CRLF3: variants seen among roughly 807,000 people sequenced by gnomAD.
The protein encoded by CRLF3 is cytokine receptor like factor 3.
A neutral mutation model predicts 55.0 loss-of-function variants in CRLF3; 33 were observed. The observed-to-expected ratio is 0.60, with a 90% CI of 0.46 to 0.80. The LOEUF is 0.80. Among genes scored for constraint, CRLF3 ranks in the 30% least tolerant of loss-of-function variants. CRLF3 has a pLI of 0.00. For synonymous variants in CRLF3, 238 were observed against 196.8 expected (o/e 1.21, Z -1.75); for missense variants, 494 against 538.4 (o/e 0.92, Z 0.82).
chr17:30,805,954 T>C (rs1405327624), intron 1 of CRLF3, among the ~76,000 whole-genome samples: 1 of 151,692 alleles, frequency 6.6e-6, no homozygotes, highest in African/African-American at 2.4e-5. Context: ...GCCCAGGGGG[T>C]CGAGACTGCA....
chr17:30,811,832 C>T (rs1904637934), intron 1 of CRLF3, among the ~76,000 whole-genome samples: 1 of 126,572 alleles, frequency 7.9e-6, no homozygotes, highest in Admixed American at 8.3e-5. Flanking sequence ...AAAAAAAGGC[C>T]AGGTGCGGTG....
rs752553933 is a variant in CRLF3, at chr17:30,803,884, G to C, written c.337+17C>G. 6.3e-7 allele frequency: 1 copy of C among 1,581,672 alleles called. No homozygotes were observed. ...ATGGACGAATGCACTAATACAACAG[G>C]CTCCCTGGTCCCCCACCTTCTCGGA... On this transcript the variant is annotated intron_variant, in intron 2 of 7. Coordinates refer to ENST00000324238, the MANE Select transcript of CRLF3 (RefSeq NM_015986.4).
At chr17:30,792,851 A>C in intron 5 of CRLF3, 1 of 70,928 alleles carries the variant, frequency 1.4e-5, no homozygotes, top group Admixed American at 2.4e-4. Flanking sequence ...AACTTATTCC[A>C]ACCTGATAAA....
chr17:30,803,787 CTG>C, intron 2 of CRLF3, 112 bp downstream of exon 2: 1 of 805,140 alleles, frequency 1.2e-6, no homozygotes. Flanking sequence ...CCACATGGAA[CTG>C]TAAGTTCATT....
intron 4 of CRLF3, among the ~76,000 whole-genome samples, chr17:30,795,401 C>T (rs1386100523): frequency 2.6e-5 from 4 of 151,394 alleles, no homozygotes; most frequent in Non-Finnish European, 5.9e-5. Context: ...GAGGCTGAGG[C>T]AGGAGGATTG....
intron 1 of CRLF3, among the ~76,000 whole-genome samples, chr17:30,819,643 A>G (rs550925447): frequency 4.3e-4 from 66 of 152,202 alleles, no homozygotes; most frequent in African/African-American, 1.5e-3. Context: ...ACACCTGGCT[A>G]ATTTGTATTT....
chr17:30,790,515 CATAAT>C (rs1329025936), intron 6 of CRLF3: 2 of 149,968 alleles, frequency 1.3e-5, no homozygotes, highest in Non-Finnish European at 1.5e-5. Context: ...GTAGCATATA[CATAAT>C]ATGTTTACAG....
chr17:30,785,798 AAAAAG>A (rs929626173), intron 7 of CRLF3, 116 bp downstream of exon 7: 2 of 584,018 alleles, frequency 3.4e-6, no homozygotes, highest in Non-Finnish European at 2.9e-6. Flanking sequence ...AAAAAAAAAG[AAAAAG>A]AAAAATACCT....
In CRLF3 at chr17:30,783,041, T is replaced by G. The variant is rs1971535215; in HGVS notation, c.*1146A>C. The G allele has an allele frequency of 6.6e-6, 1 of 152,118 alleles. No individual in the cohort carries two copies. The highest frequency in any genetic ancestry group is 6.6e-5 in the Admixed American group (1 of 15,258). The allele number at this position is 152,118 out of a possible 1,614,324, so 9.4% of individuals were successfully genotyped here. ...TAAGTTTTTAAAAAAAATAAGTATT[T>G]ACGCTATATTTTTTTGCTCTGCTAA... On this transcript the variant is annotated 3_prime_UTR_variant, in exon 8 of 8. Coordinates refer to ENST00000324238, the MANE Select transcript of CRLF3 (RefSeq NM_015986.4).
chr17:30,786,027 C>G lies in CRLF3; in HGVS notation c.964G>C (p.Glu322Gln). The part of the protein sequence containing the change: ...FCGQTLTFRV[E>Q]TVGQPDRRDS... ...CTTCTGTCTGGCTGTCCCACAGTTT[C>G]AACTCTGTAAATGAAGTAGAAAGGT... The change falls in exon 7 of 8, where the codon GAA becomes CAA. Residue 322 changes from glutamate (E) to glutamine (Q), a missense_variant. Physicochemically the swap from Glu to Gln is conservative, Grantham distance 29. Transcript: ENST00000324238. The G allele has an allele frequency of 1.3e-6, 2 of 1,571,534 alleles. No homozygotes were observed. Among genetic ancestry groups the G allele is most frequent in the Non-Finnish European group, 1.7e-6 (2 of 1,143,984 alleles).
At position 30,784,187 on chromosome 17, in the gene CRLF3, C is replaced by T. The variant is rs768050686; in HGVS notation, c.1329G>A (p.Ter443=). Residue 443 remains the stop codon, a stop_retained_variant, in exon 8 of 8, where the codon TAG becomes TAA. Coordinates refer to ENST00000324238, the MANE Select transcript of CRLF3 (RefSeq NM_015986.4). The stretch of plus-strand genomic sequence containing the variant: ...AAACCAAAGCCAAGCACCCAAACAT[C>T]TAAAACACTAACACTTTCCATCCAG... ...FYPGWKVLVF[*] 1 of 1,612,542 alleles carries T rather than the reference C, an allele frequency of 6.2e-7. No individual in the cohort carries two copies. Among genetic ancestry groups the T allele is most frequent in the Non-Finnish European group, 8.5e-7 (1 of 1,179,444 alleles).
intron 4 of CRLF3, among the ~76,000 whole-genome samples, 163 bp from the exon 5 acceptor site, chr17:30,793,835 T>TTATC (rs1247648743): frequency 6.6e-6 from 1 of 151,976 alleles, no homozygotes; most frequent in Non-Finnish European, 1.5e-5. Flanking sequence ...CATCACATCA[T>TTATC]TATCTCCCTT....
At chr17:30,788,596 C>CTTTTTTTTTTTTTTTTT (rs1429494338) in intron 6 of CRLF3, among the ~76,000 whole-genome samples, 1 of 120,290 alleles carries the variant, frequency 8.3e-6, no homozygotes, top group African/African-American at 3.5e-5. Context: ...AAAGTAGTGC[C>CTTTTTTTTTTTTTTTTT]TTCTTTTTTT....
At chr17:30,808,594 G>GTA (rs1360490447) in intron 1 of CRLF3, among the ~76,000 whole-genome samples, 132 of 147,504 alleles carry the variant, frequency 8.9e-4, no homozygotes, top group Middle Eastern at 7.4e-3. Flanking sequence ...AGCCAAACCT[G>GTA]TATATATATA....
chr17:30,808,273 CTA>C lies in CRLF3; in HGVS notation c.130-4167_130-4166del, dbSNP rs1381211265. ...TTCTTTCCTCCTCCTCCCCTAGAAC[CTA>C]TATTTTTTTTTTTTTTTTTTTTTTT... On this transcript the variant is annotated intron_variant, in intron 1 of 7. Coordinates refer to ENST00000324238, the MANE Select transcript of CRLF3 (RefSeq NM_015986.4). 2.5e-4 allele frequency among the ~76,000 whole-genome samples: 34 copies of C among 134,808 alleles called. 1 individual carries two copies. Among genetic ancestry groups the C allele is most frequent in the African/African-American group, 7.3e-4 (26 of 35,774 alleles). 88.4% of individuals were successfully genotyped at this position (134,808 alleles called of 152,430 possible). A position where few individuals can be genotyped will look rare whatever the true frequency, so the allele number is the denominator to read the frequency against.
chr17:30,816,403 T>A (rs1275730145), intron 1 of CRLF3, among the ~76,000 whole-genome samples: 2 of 152,016 alleles, frequency 1.3e-5, no homozygotes. Context: ...AATGATGTTT[T>A]GGACAATGAC....
intron 1 of CRLF3, among the ~76,000 whole-genome samples, chr17:30,808,634 C>T (rs1248043651): frequency 6.6e-6 from 1 of 150,814 alleles, no homozygotes; most frequent in African/African-American, 2.4e-5. Flanking sequence ...GCTCTGTCGC[C>T]CAGGCTGGAG....
At chr17:30,789,831 C>CTA (rs1438666964) in intron 6 of CRLF3, among the ~76,000 whole-genome samples, 1 of 152,068 alleles carries the variant, frequency 6.6e-6, no homozygotes, top group Non-Finnish European at 1.5e-5. Context: ...CTGAATTTAT[C>CTA]AAGTTAGGAA....
At chr17:30,784,884 G>C in intron 7 of CRLF3, 1 of 159,138 alleles carries the variant, frequency 6.3e-6, no homozygotes, top group South Asian at 1.7e-4. Flanking sequence ...TGAGCCTCTC[G>C]GATTACAGGT....
Sources: gnomAD v4.1 joint callset for allele counts (sites outside exome capture counted in the v4.1 genomes callset) on GRCh38, gnomAD v4.1.1 for gene constraint, MANE v1.5 for transcripts, NCBI Gene and HGNC (gene_info 2026-07-23, HGNC 2026-07-21) for gene names.